Variants in ARHGEF10 observed in about 807,000 individuals in gnomAD.
The protein encoded by ARHGEF10 is Rho guanine nucleotide exchange factor (GEF) 10.
In ARHGEF10, 140 loss-of-function variants were observed where a neutral mutation model predicts 147.4. That is an observed-to-expected ratio of 0.95 (90% CI 0.83 to 1.09). The LOEUF is 1.09. Among genes scored for constraint, ARHGEF10 ranks in the 50% least tolerant of loss-of-function variants. The pLI, the probability that ARHGEF10 is intolerant of heterozygous loss-of-function variation, is 0.00. For missense variants in ARHGEF10, 2,222 were observed against 1,752.7 expected (o/e 1.27, Z -4.78); for synonymous variants, 902 against 695.8 (o/e 1.30, Z -4.67).
chr8:1,948,638 T>C lies in ARHGEF10; in HGVS notation c.3397+2983T>C, dbSNP rs1814782680. ...GTAAGATCCTCAGTGCGGCATAGAC[T>C]GAAATGGTTCTGATTTTCATTGCAT... On this transcript the variant is annotated intron_variant, in intron 27 of 28. Coordinates refer to ENST00000349830, the MANE Select transcript of ARHGEF10 (RefSeq NM_014629.4). This position sits in a 1 kb window ranked among gnomAD's most constrained non-coding sequence, Gnocchi z 4.9. 3.3e-5 allele frequency among the ~76,000 whole-genome samples: 5 copies of C among 152,204 alleles called. No homozygotes were observed. Among genetic ancestry groups the C allele is most frequent in the Admixed American group, 3.3e-4 (5 of 15,282 alleles).
chr8:1,828,189 T>C (rs1006123018), intron 1 of ARHGEF10, among the ~76,000 whole-genome samples: 6 of 152,232 alleles, frequency 3.9e-5, no homozygotes, highest in Non-Finnish European at 8.8e-5. Context: ...GTCGTAGGTG[T>C]TGCTTCCGTG....
chr8:1,893,201 G>A (rs1809694497), intron 11 of ARHGEF10, among the ~76,000 whole-genome samples: 1 of 150,590 alleles, frequency 6.6e-6, no homozygotes, highest in Non-Finnish European at 1.5e-5. Context: ...CATTGATCAA[G>A]ACTGGAACTA....
intron 2 of ARHGEF10, among the ~76,000 whole-genome samples, chr8:1,856,853 A>G (rs2129069196): frequency 6.6e-6 from 1 of 152,292 alleles, no homozygotes; most frequent in East Asian, 1.9e-4. Context: ...AAGAAATCCC[A>G]GCCCTTGGGA....
intron 19 of ARHGEF10, 194 bp downstream of exon 19, chr8:1,923,273 G>T: frequency 1.1e-6 from 1 of 938,264 alleles, no homozygotes. Context: ...TTGCAAATAG[G>T]GTTTAATATC....
rs371096933 is a variant in ARHGEF10, at chr8:1,925,423, C to G, written c.2610+19C>G. The G allele has an allele frequency of 1.2e-6, 2 of 1,613,360 alleles. No homozygotes were observed. The highest frequency in any genetic ancestry group is 1.7e-6 in the Non-Finnish European group (2 of 1,179,876). ...GTTCAAGGTGAAGGGAGGCAGGGCC[C>G]GCGGCCCGGGGTGGGACGCACCTCG... is the stretch of plus-strand genomic sequence containing the variant. On this transcript the variant is annotated intron_variant, in intron 22 of 28. Coordinates refer to ENST00000349830, the MANE Select transcript of ARHGEF10 (RefSeq NM_014629.4).
At chr8:1,905,010 T>C (rs1267573224) in intron 16 of ARHGEF10, among the ~76,000 whole-genome samples, 2 of 152,110 alleles carry the variant, frequency 1.3e-5, no homozygotes, top group African/African-American at 4.8e-5. Flanking sequence ...ACACCTGTGG[T>C]CCCAGCTACT....
intron 27 of ARHGEF10, among the ~76,000 whole-genome samples, chr8:1,949,286 T>G (rs1397317156): frequency 6.6e-6 from 1 of 152,218 alleles, no homozygotes; most frequent in Non-Finnish European, 1.5e-5. Context: ...TTTCTCCTTC[T>G]ATTTGGAATT....
At chr8:1,933,650 G>T (rs887929810) in intron 25 of ARHGEF10, 150 bp from the exon 26 acceptor site, 3 of 1,053,412 alleles carry the variant, frequency 2.8e-6, no homozygotes, top group Non-Finnish European at 4.2e-6. Flanking sequence ...TCAGCTTGTC[G>T]ATCCCCAGAC....
intron 14 of ARHGEF10, 67 bp from the exon 15 acceptor site, chr8:1,898,366 G>C (rs978766653): frequency 4.3e-6 from 6 of 1,399,412 alleles, no homozygotes; most frequent in Non-Finnish European, 6.1e-6. Context: ...TGGGGAGGAG[G>C]CGGCCCCAGG....
At position 1,882,748 on chromosome 8, in the gene ARHGEF10, G is replaced by C; in HGVS notation, c.1074G>C (p.Gln358His). The C allele has an allele frequency of 3.2e-6, 5 of 1,550,920 alleles. No homozygotes were observed. Among genetic ancestry groups the C allele is most frequent in the Non-Finnish European group, 4.4e-6 (5 of 1,146,730 alleles). The change falls in exon 10 of 29, where the codon CAG becomes CAC. Residue 358 changes from glutamine to histidine, a missense_variant and splice_region_variant. By Grantham distance (24) the Gln-to-His change is conservative. Transcript: ENST00000349830. ...TCAGGACCAAGTCTCTCATCGCACA[G>C]GGTCCGTGCCTGCAGGTCTTCTTGC... is the stretch of plus-strand genomic sequence containing the variant. ...SFIRTKSLIAQDHRSSLEEEQ... is the reference protein window; with the variant it reads ...SFIRTKSLIAHDHRSSLEEEQ...
chr8:1,887,853 A>G (rs34179776), intron 11 of ARHGEF10, among the ~76,000 whole-genome samples: 52,700 of 136,504 alleles, frequency 0.39, 9,339 homozygotes, highest in South Asian at 0.51. Flanking sequence ...ACTGAGTGGG[A>G]TGTGAGGGGT....
At chr8:1,896,110 G>C (rs1244020603) in intron 13 of ARHGEF10, among the ~76,000 whole-genome samples, 3 of 152,148 alleles carry the variant, frequency 2.0e-5, no homozygotes, top group Non-Finnish European at 4.4e-5. Context: ...AAGGATGTCA[G>C]AAAGTGCTCT....
chr8:1,926,300 C>T, intron 22 of ARHGEF10, 77 bp from the exon 23 acceptor site: 3 of 1,165,350 alleles, frequency 2.6e-6, no homozygotes, highest in Non-Finnish European at 3.9e-6. Flanking sequence ...AGTAAGTCAT[C>T]CATTTAAGAC....
intron 4 of ARHGEF10, among the ~76,000 whole-genome samples, chr8:1,863,145 C>A (rs1806289158): frequency 6.6e-6 from 1 of 152,144 alleles, no homozygotes; most frequent in South Asian, 2.1e-4. Context: ...TTGGAGCAGG[C>A]AGATTGGATT....
intron 16 of ARHGEF10, chr8:1,903,874 G>A (rs899892016): frequency 1.2e-5 from 3 of 250,026 alleles, no homozygotes; most frequent in South Asian, 9.7e-5. Flanking sequence ...TGGGAAGATC[G>A]CTGGAACCCA....
intron 1 of ARHGEF10, among the ~76,000 whole-genome samples, chr8:1,829,742 C>T (rs149022673): frequency 3.2e-4 from 49 of 152,284 alleles, no homozygotes; most frequent in African/African-American, 1.1e-3. Context: ...AAACGAGCGT[C>T]ATAGGTGCCC....
At chr8:1,904,830 A>G (rs1461583704) in intron 16 of ARHGEF10, among the ~76,000 whole-genome samples, 1 of 89,354 alleles carries the variant, frequency 1.1e-5, no homozygotes, top group East Asian at 2.0e-4. Flanking sequence ...CTGAGTTGTT[A>G]TAAGTATTGG....
At chr8:1,946,539 C>T (rs1287116711) in intron 27 of ARHGEF10, among the ~76,000 whole-genome samples, 1 of 152,186 alleles carries the variant, frequency 6.6e-6, no homozygotes, top group Non-Finnish European at 1.5e-5. Flanking sequence ...CCTGGGGTCT[C>T]CTCCGCTTCC....
At chr8:1,846,631 G>T (rs572750715) in intron 2 of ARHGEF10, among the ~76,000 whole-genome samples, 102 of 152,190 alleles carry the variant, frequency 6.7e-4, no homozygotes, top group African/African-American at 2.2e-3. Context: ...AGGCTGGAGT[G>T]AAGTGGTGTG....
Sources: allele counts gnomAD v4.1 joint callset (sites outside exome capture counted in the v4.1 genomes callset), GRCh38; gene constraint gnomAD v4.1.1; non-coding constraint Gnocchi (gnomAD v3.1); transcripts MANE v1.5; gene names NCBI Gene and HGNC (gene_info 2026-07-23, HGNC 2026-07-21).